Variants in WDFY4 observed in about 807,000 individuals in gnomAD.
WDFY4 encodes WD repeat- and FYVE domain-containing protein 4.
In WDFY4, 169 loss-of-function variants were observed where a neutral mutation model predicts 351.9. The ratio of observed to expected loss-of-function variants is 0.48; its 90% confidence interval spans 0.42 to 0.55. WDFY4 has a LOEUF of 0.55. Ranked by LOEUF, WDFY4 falls within the 20% of genes least tolerant of loss-of-function variation. The probability of loss-of-function intolerance (pLI) is 0.00; values close to 1 mark genes in which losing one functional copy is unlikely to be tolerated. For missense variants in WDFY4, 3,803 were observed against 3,935.6 expected (o/e 0.97, Z 0.90); for synonymous variants, 1,622 against 1,574.6 (o/e 1.03, Z -0.71).
At chr10:48,975,498 C>T (rs1240468058) in intron 58 of WDFY4, among the ~76,000 whole-genome samples, 1 of 152,162 alleles carries the variant, frequency 6.6e-6, no homozygotes, top group Non-Finnish European at 1.5e-5. Context: ...GAAGCCCTGT[C>T]ATGGGATATG....
intron 60 of WDFY4, among the ~76,000 whole-genome samples, chr10:48,979,096 C>T (rs1186834604): frequency 6.6e-6 from 1 of 152,190 alleles, no homozygotes; most frequent in African/African-American, 2.4e-5. Context: ...ATTAGTGGTC[C>T]CTTCCTTCAA....
At chr10:48,936,304 T>A (rs1245887284) in intron 47 of WDFY4, among the ~76,000 whole-genome samples, 1 of 152,158 alleles carries the variant, frequency 6.6e-6, no homozygotes, top group East Asian at 1.9e-4. Flanking sequence ...CATAATTTAA[T>A]GTAGACAGCA....
intron 15 of WDFY4, among the ~76,000 whole-genome samples, chr10:48,776,418 C>G (rs2066031827): frequency 6.6e-6 from 1 of 152,076 alleles, no homozygotes; most frequent in Non-Finnish European, 1.5e-5. Context: ...GCTTTGTGAG[C>G]AGACACAAAG....
At chr10:48,977,320 C>T (rs955605955) in intron 59 of WDFY4, among the ~76,000 whole-genome samples, 5 of 152,082 alleles carry the variant, frequency 3.3e-5, no homozygotes, top group Admixed American at 3.3e-4. Flanking sequence ...TCAAACCAAA[C>T]TTGCCCACCC....
chr10:48,883,084 T>C (rs1484914461), intron 43 of WDFY4, among the ~76,000 whole-genome samples: 1 of 152,232 alleles, frequency 6.6e-6, no homozygotes, highest in Non-Finnish European at 1.5e-5. Flanking sequence ...CCGGCTGTTA[T>C]TGGGCTTGGA....
intron 39 of WDFY4, among the ~76,000 whole-genome samples, chr10:48,865,169 C>A (rs1394866652): frequency 6.6e-6 from 1 of 152,154 alleles, no homozygotes; most frequent in Non-Finnish European, 1.5e-5. Flanking sequence ...CCTTCACCAC[C>A]AAGTATAATG....
chr10:48,795,536 C>G (rs11101489), intron 23 of WDFY4, among the ~76,000 whole-genome samples: 1 of 67,422 alleles, frequency 1.5e-5, no homozygotes, highest in African/African-American at 6.6e-5. Context: ...TATATATATA[C>G]ACACACATGA....
At chr10:48,918,370 A>G (rs1838741583) in intron 47 of WDFY4, among the ~76,000 whole-genome samples, 1 of 152,226 alleles carries the variant, frequency 6.6e-6, no homozygotes, top group Non-Finnish European at 1.5e-5. Flanking sequence ...AGTGAGTTGA[A>G]CTAAAAGAAT....
chr10:48,786,915 T>G (rs1168734356), intron 20 of WDFY4, 45 bp downstream of exon 20: 11 of 1,496,912 alleles, frequency 7.3e-6, no homozygotes, highest in Non-Finnish European at 9.1e-6. Context: ...ATATTAGTTT[T>G]TAAATGGACA....
chr10:48,970,421 C>T (rs1590019829), intron 57 of WDFY4, 132 bp downstream of exon 57: 2 of 1,262,932 alleles, frequency 1.6e-6, no homozygotes, highest in East Asian at 5.1e-5. Flanking sequence ...CACTGAGGGC[C>T]CTGCCACCCT....
chr10:48,938,996 C>T (rs1323031730), intron 47 of WDFY4, among the ~76,000 whole-genome samples: 1 of 152,200 alleles, frequency 6.6e-6, no homozygotes, highest in Non-Finnish European at 1.5e-5. Context: ...TTCTGTTCTT[C>T]TCTGCTCCAC....
intron 19 of WDFY4, among the ~76,000 whole-genome samples, chr10:48,784,397 T>A (rs915739238): frequency 6.6e-6 from 1 of 152,222 alleles, no homozygotes; most frequent in African/African-American, 2.4e-5. Flanking sequence ...TATCTCACTG[T>A]GTTTTTAATT....
chr10:48,975,302 T>C, intron 58 of WDFY4: 1 of 587,360 alleles, frequency 1.7e-6, no homozygotes, highest in East Asian at 3.0e-5. Context: ...GGGCTGCAGC[T>C]GAAAAATTGG....
At chr10:48,700,726 G>A (rs772281752) in intron 1 of WDFY4, among the ~76,000 whole-genome samples, 2 of 152,238 alleles carry the variant, frequency 1.3e-5, no homozygotes, top group African/African-American at 2.4e-5. Flanking sequence ...GGGCTTTTGG[G>A]AGAATTAAAT....
intron 39 of WDFY4, among the ~76,000 whole-genome samples, chr10:48,849,223 A>G (rs893756668): frequency 6.6e-6 from 1 of 152,264 alleles, no homozygotes; most frequent in African/African-American, 2.4e-5. Flanking sequence ...ATGGAGTCAC[A>G]TAATATATGG....
intron 31 of WDFY4, 40 bp from the exon 32 acceptor site, chr10:48,817,204 AT>A: frequency 6.5e-7 from 1 of 1,542,728 alleles, no homozygotes; most frequent in Non-Finnish European, 8.8e-7. Context: ...GGCAGCGCCC[AT>A]CATGCTGCCC....
At chr10:48,958,674 G>C (rs1312433050) in intron 52 of WDFY4, among the ~76,000 whole-genome samples, 2 of 152,174 alleles carry the variant, frequency 1.3e-5, no homozygotes, top group African/African-American at 4.8e-5. Flanking sequence ...TTTACATTCT[G>C]TGTGAGGATA....
chr10:48,940,850 C>G (rs1840715182), intron 47 of WDFY4, among the ~76,000 whole-genome samples: 1 of 152,188 alleles, frequency 6.6e-6, no homozygotes, highest in South Asian at 2.1e-4. Context: ...TCCCCACACT[C>G]TCCCCAGTAT....
At chr10:48,936,376 A>G (rs1054828113) in intron 47 of WDFY4, among the ~76,000 whole-genome samples, 5 of 152,168 alleles carry the variant, frequency 3.3e-5, no homozygotes, top group Non-Finnish European at 7.3e-5. Flanking sequence ...CTCAAATTCT[A>G]CTACCCAGTA....
Sources: gnomAD v4.1 joint callset for allele counts (sites outside exome capture counted in the v4.1 genomes callset) on GRCh38, gnomAD v4.1.1 for gene constraint, MANE v1.5 for transcripts, NCBI Gene and HGNC (gene_info 2026-07-23, HGNC 2026-07-21) for gene names.